The following GNAI1 variants were observed in gnomAD, a reference collection of about 807,000 sequenced individuals.
The protein encoded by GNAI1 is G protein subunit alpha i1, also known as guanine nucleotide-binding protein G(i) subunit alpha-1.
A neutral mutation model predicts 38.9 loss-of-function variants in GNAI1; 11 were observed. That is an observed-to-expected ratio of 0.28 (90% CI 0.18 to 0.47). The LOEUF (loss-of-function observed/expected upper bound fraction) is 0.47. Among genes scored for constraint, GNAI1 ranks in the 20% least tolerant of loss-of-function variants. GNAI1 has a pLI of 0.99. For missense variants in GNAI1, 317 were observed against 436.9 expected, an observed-to-expected ratio of 0.73 and a Z score of 2.45; for synonymous variants, 166 against 145.1, an observed-to-expected ratio of 1.14 and a Z score of -1.04.
intron 1 of GNAI1, among the ~76,000 whole-genome samples, chr7:80,186,023 CTTTTTTTTT>C (rs533371119): frequency 0.024 from 2,459 of 103,410 alleles, 38 homozygotes; most frequent in Non-Finnish European, 0.033. Flanking sequence ...CATCCGCACT[CTTTTTTTTT>C]TTTTTTTTTT....
chr7:80,141,555 C>T (rs1390411934), intron 1 of GNAI1, among the ~76,000 whole-genome samples: 1 of 152,184 alleles, frequency 6.6e-6, no homozygotes, highest in African/African-American at 2.4e-5. Context: ...CTTTACTCCA[C>T]CCTGTGGGTA....
chr7:80,217,386 T>A lies in GNAI1; in HGVS notation c.958T>A (p.Tyr320Asn). The part of the protein sequence containing the change: ...LNKRKDTKEI[Y>N]THFTCATDTK... ...TAAAAGAAAGGACACAAAGGAAATA[T>A]ACACCCACTTCACATGTGCCACAGA... Residue 320 changes from tyrosine to asparagine, a missense_variant, in exon 8 of 8, where the codon TAC becomes AAC. Around this residue, in one of 5 missense-constraint regions of GNAI1, gnomAD observed 158 missense variants for 234.7 expected, o/e 0.67. Transcript: ENST00000649796. 6.2e-7 allele frequency: 1 copy of A among 1,605,626 alleles called. No individual in the cohort carries two copies. The highest frequency in any genetic ancestry group is 8.5e-7 in the Non-Finnish European group (1 of 1,173,790).
intron 1 of GNAI1, among the ~76,000 whole-genome samples, chr7:80,151,750 C>G (rs2523190): frequency 0.77 from 116,742 of 152,174 alleles, 45,418 homozygotes; most frequent in Middle Eastern, 0.86. Context: ...ATAAATATTA[C>G]CTATTGTCTG....
chr7:80,211,419 C>CT (rs71076502), intron 6 of GNAI1, among the ~76,000 whole-genome samples: 20,404 of 138,764 alleles, frequency 0.15, 1,635 homozygotes, highest in Non-Finnish European at 0.18. Context: ...TTTAGTAAAT[C>CT]TTTTTTTTTT....
Position 80,199,211 on chromosome 7 carries a change from CT to C in GNAI1, c.304-11del, listed in dbSNP as rs1451123254. Reference sequence around the variant, plus strand: ...TATCCCTTTTTACTTAAAAAATGTCCTTTGAATGTTCAGGATGATGCACGCC... The same window carrying C: ...TATCCCTTTTTACTTAAAAAATGTCCTTGAATGTTCAGGATGATGCACGCC... On this transcript the variant is annotated splice_polypyrimidine_tract_variant and intron_variant, in intron 3 of 7. Transcript: ENST00000649796. The C allele has an allele frequency of 6.4e-7, 1 of 1,569,854 alleles. No individual in the cohort carries two copies. The highest frequency in any genetic ancestry group is 1.4e-5 in the African/African-American group (1 of 73,824).
At chr7:80,194,285 T>C (rs1302809885) in intron 3 of GNAI1, among the ~76,000 whole-genome samples, 1 of 152,204 alleles carries the variant, frequency 6.6e-6, no homozygotes, top group Non-Finnish European at 1.5e-5. Flanking sequence ...TTTATTTTTC[T>C]ATGTGGCTTG....
intron 3 of GNAI1, among the ~76,000 whole-genome samples, chr7:80,197,391 A>G (rs1177807041): frequency 6.6e-6 from 1 of 151,988 alleles, no homozygotes; most frequent in Non-Finnish European, 1.5e-5. Context: ...TTTGAGAAGA[A>G]TGTGATCTTG....
At chr7:80,217,244 T>TCTCATATGTATGAAACTGA in intron 7 of GNAI1, 59 bp from the exon 8 acceptor site, 1 of 1,093,800 alleles carries the variant, frequency 9.1e-7, no homozygotes, top group Non-Finnish European at 1.3e-6. Flanking sequence ...CTGAATTCAG[T>TCTCATATGTATGAAACTGA]ATTTTAAGCA....
At chr7:80,195,420 G>T (rs1035747002) in intron 3 of GNAI1, among the ~76,000 whole-genome samples, 2 of 151,434 alleles carry the variant, frequency 1.3e-5, no homozygotes, top group African/African-American at 2.4e-5. Flanking sequence ...TTTTTACTTT[G>T]ATTATATTTC....
intron 5 of GNAI1, among the ~76,000 whole-genome samples, chr7:80,206,572 G>A (rs968668026): frequency 1.3e-5 from 2 of 151,836 alleles, no homozygotes; most frequent in Non-Finnish European, 2.9e-5. Flanking sequence ...TATCAGATTG[G>A]GACTTAGAAT....
rs1192743060 is a variant in GNAI1, at chr7:80,152,377, G to T, written c.118+17099G>T. Among the ~76,000 whole-genome samples the T allele has an allele frequency of 2.0e-5, 3 of 152,064 alleles. No individual in the cohort carries two copies. The East Asian group carries it at 5.8e-4, about 29-fold the overall frequency. On this transcript the variant is annotated intron_variant, in intron 1 of 7. Coordinates refer to ENST00000649796, the MANE Select transcript of GNAI1 (RefSeq NM_002069.6). The stretch of plus-strand genomic sequence containing the variant: ...TGAACAATTATATCTTATGTTGCAA[G>T]AATTAATAACTACAACACCATTATT...
chr7:80,191,998 A>G (rs1478491359), intron 3 of GNAI1, among the ~76,000 whole-genome samples: 1 of 152,082 alleles, frequency 6.6e-6, no homozygotes, highest in Non-Finnish European at 1.5e-5. Flanking sequence ...GTTCATTTAT[A>G]TTTCTTCTGT....
intron 1 of GNAI1, among the ~76,000 whole-genome samples, chr7:80,142,924 C>A (rs1212865465): frequency 6.6e-6 from 1 of 152,148 alleles, no homozygotes; most frequent in African/African-American, 2.4e-5. Flanking sequence ...AGTATTGCTG[C>A]CTTGCTGTTT....
intron 7 of GNAI1, among the ~76,000 whole-genome samples, chr7:80,216,979 G>A (rs922776485): frequency 6.6e-6 from 1 of 152,148 alleles, no homozygotes; most frequent in Non-Finnish European, 1.5e-5. Flanking sequence ...CTGAGCTGGG[G>A]TGTAGAGGAC....
rs566376538 is a variant in GNAI1 at position 80,201,157 on chromosome 7, G to GA, written c.461+1781dup. Among the ~76,000 whole-genome samples, 495 of 152,176 alleles carry GA rather than the reference G, an allele frequency of 3.3e-3. 1 individual carries two copies. Among genetic ancestry groups the GA allele is most frequent in the African/African-American group, 0.011 (462 of 41,526 alleles). On this transcript the variant is annotated intron_variant, in intron 4 of 7. Transcript: ENST00000649796. ...ATCACAGAGGCTAGAAGACAAATTAGAAAAAATACTTACAGGAAGAACACA... is the reference window on the plus strand; with the variant it reads ...ATCACAGAGGCTAGAAGACAAATTAGAAAAAAATACTTACAGGAAGAACACA...
At chr7:80,155,347 T>G (rs1299999109) in intron 1 of GNAI1, among the ~76,000 whole-genome samples, 2 of 152,230 alleles carry the variant, frequency 1.3e-5, no homozygotes, top group Non-Finnish European at 2.9e-5. Flanking sequence ...CATTATCAAC[T>G]TCAGTAATAT....
At chr7:80,196,435 G>A (rs1278988289) in intron 3 of GNAI1, among the ~76,000 whole-genome samples, 3 of 151,708 alleles carry the variant, frequency 2.0e-5, no homozygotes, top group Non-Finnish European at 2.9e-5. Context: ...ACACTATTTT[G>A]GTACACTTAC....
chr7:80,180,725 C>T (rs1372135938), intron 1 of GNAI1, among the ~76,000 whole-genome samples: 1 of 152,128 alleles, frequency 6.6e-6, no homozygotes, highest in Non-Finnish European at 1.5e-5. Context: ...GCAGTTACGA[C>T]TAGAGTGATA....
chr7:80,172,479 C>T (rs1198018347), intron 1 of GNAI1, among the ~76,000 whole-genome samples: 4 of 152,126 alleles, frequency 2.6e-5, no homozygotes, highest in Non-Finnish European at 5.9e-5. Context: ...GCCAGCATAC[C>T]TTGAGTATTT....
Sources: allele counts gnomAD v4.1 joint callset (sites outside exome capture counted in the v4.1 genomes callset), GRCh38; gene constraint gnomAD v4.1.1; regional missense constraint gnomAD v4.1.1; transcripts MANE v1.5; gene names NCBI Gene and HGNC (gene_info 2026-07-23, HGNC 2026-07-21).